The following SEPHS1 variants were observed in gnomAD, a reference collection of about 807,000 sequenced individuals.
SEPHS1 encodes the protein selenophosphate synthetase 1.
A neutral mutation model predicts 39.2 loss-of-function variants in SEPHS1; 7 were observed. The ratio of observed to expected loss-of-function variants is 0.18; its 90% CI spans 0.10 to 0.34. The LOEUF is 0.34. SEPHS1 is among the 10% of genes least tolerant of loss of function. The pLI, the probability that SEPHS1 is intolerant of heterozygous loss-of-function variation, is 1.00. For synonymous variants in SEPHS1, 190 were observed against 195.5 expected (o/e 0.97, Z 0.23); for missense variants, 253 against 514.5 (o/e 0.49, Z 4.92).
chr10:13,325,915 AAAAAAAAAAAAAAAAAAAGAGAC>A (rs1298994266), intron 7 of SEPHS1, among the ~76,000 whole-genome samples: 2,141 of 77,418 alleles, frequency 0.028, 179 homozygotes, highest in African/African-American at 0.15. Flanking sequence ...AAAAAAAAAA[AAAAAAAAAAAAAAAAAAAGAGAC>A]TCAGTCTCAA....
At chr10:13,337,831 G>C (rs555122179) in intron 3 of SEPHS1, among the ~76,000 whole-genome samples, 1 of 152,142 alleles carries the variant, frequency 6.6e-6, no homozygotes, top group African/African-American at 2.4e-5. Flanking sequence ...ACAGATGTGC[G>C]GAAGAAATAT....
intron 2 of SEPHS1, among the ~76,000 whole-genome samples, chr10:13,342,021 T>C (rs1205866268): frequency 1.1e-4 from 17 of 149,754 alleles, no homozygotes; most frequent in Admixed American, 2.0e-4. Flanking sequence ...GTCTCACGCC[T>C]GTAATCCCAG....
At chr10:13,328,642 G>A (rs1226051361) in intron 6 of SEPHS1, among the ~76,000 whole-genome samples, 192 bp from the exon 7 acceptor site, 2 of 152,182 alleles carry the variant, frequency 1.3e-5, no homozygotes, top group Non-Finnish European at 2.9e-5. Context: ...TCAGCATGGC[G>A]TCTTTTCTGT....
intron 4 of SEPHS1, 25 bp from the exon 5 acceptor site, chr10:13,333,996 A>G (rs1833548741): frequency 1.3e-6 from 2 of 1,587,382 alleles, no homozygotes; most frequent in Non-Finnish European, 1.7e-6. Flanking sequence ...GGTACAAATA[A>G]AAAGTCAAAG....
intron 1 of SEPHS1, chr10:13,345,428 C>T (rs1833893508): frequency 2.0e-5 from 3 of 153,522 alleles, no homozygotes; most frequent in Admixed American, 1.3e-4. Flanking sequence ...GTGACTTTTC[C>T]GCAAAATCTT....
chr10:13,346,281 T>C (rs755301507), intron 1 of SEPHS1, among the ~76,000 whole-genome samples: 4 of 152,200 alleles, frequency 2.6e-5, no homozygotes, highest in Non-Finnish European at 4.4e-5. Context: ...ACTGATACTT[T>C]ATTGGGACTA....
rs1268776282 is a variant in SEPHS1 at position 13,348,159 on chromosome 10, G to A, written c.-238C>T. ...GGGCCCGGGCCCGCGCCTGGGCGCC[G>A]CGGGGGCTCGCCTGCCTCGGCGCGG... On this transcript the variant is annotated 5_prime_UTR_variant, in exon 1 of 9. Coordinates refer to ENST00000327347, the MANE Select transcript of SEPHS1 (RefSeq NM_012247.5). 2.8e-5 allele frequency: 4 copies of A among 144,030 alleles called. No individual in the cohort carries two copies. Among genetic ancestry groups the A allele is most frequent in the Admixed American group, 6.8e-5 (1 of 14,628 alleles). The allele number at this position is 144,030 out of a possible 1,614,324, so 8.9% of individuals were successfully genotyped here.
intron 2 of SEPHS1, chr10:13,340,894 T>C (rs1459260393): frequency 6.6e-6 from 1 of 152,180 alleles, no homozygotes; most frequent in Non-Finnish European, 1.5e-5. Flanking sequence ...TGGCTGCGCA[T>C]CTGACAAACA....
rs1214975818 is a variant in SEPHS1 at position 13,348,152 on chromosome 10, GGGCGCCGCGGGGGCTCGCCTGCCTC to G, written c.-256_-232del. On this transcript the variant is annotated 5_prime_UTR_variant, in exon 1 of 9. Transcript: ENST00000327347. ...GCGGCGGGGGCCCGGGCCCGCGCCTGGGCGCCGCGGGGGCTCGCCTGCCTCGGCGCGGCCCTGCGGGAGCCGGGCC... is the reference window on the plus strand; with the variant it reads ...GCGGCGGGGGCCCGGGCCCGCGCCTGGGCGCGGCCCTGCGGGAGCCGGGCC... The G allele has an allele frequency of 6.9e-6, 1 of 144,418 alleles. No individual in the cohort carries two copies. Among genetic ancestry groups the G allele is most frequent in the African/African-American group, 2.5e-5 (1 of 40,286 alleles). 8.9% of individuals were successfully genotyped at this position (144,418 alleles called of 1,614,324 possible).
rs1266329760 is a variant in SEPHS1 at position 13,335,980 on chromosome 10, CA to C, written c.405+262del. Reference sequence around the variant, plus strand: ...GGGCGACAGAGTGAGACTCCTGTCTCAAAAAAAAAAAAAAAAAAAGTCTTGG... The same window carrying C: ...GGGCGACAGAGTGAGACTCCTGTCTCAAAAAAAAAAAAAAAAAAGTCTTGG... On this transcript the variant is annotated intron_variant, in intron 4 of 8. Transcript: ENST00000327347. 7.3e-3 allele frequency among the ~76,000 whole-genome samples: 685 copies of C among 93,418 alleles called. 5 individuals are homozygous for C. The highest frequency in any genetic ancestry group is 0.014 in the African/African-American group (312 of 21,616). The allele number at this position is 93,418 out of a possible 152,430, so 61.3% of individuals were successfully genotyped here.
rs973458627 is a variant in SEPHS1 at position 13,318,307 on chromosome 10, A to G, written c.*835T>C. On this transcript the variant is annotated 3_prime_UTR_variant, in exon 9 of 9. Coordinates refer to ENST00000327347, the MANE Select transcript of SEPHS1 (RefSeq NM_012247.5). ...TATTAAACACTACCATCCACAGAAC[A>G]GTCTTTACTATTGATTATATTTAAA... 1.3e-5 allele frequency: 2 copies of G among 152,640 alleles called. No individual in the cohort carries two copies. Among genetic ancestry groups the G allele is most frequent in the Non-Finnish European group, 2.9e-5 (2 of 68,040 alleles). 9.5% of individuals were successfully genotyped at this position (152,640 alleles called of 1,614,324 possible).
chr10:13,329,165 G>A (rs772212601), intron 6 of SEPHS1, among the ~76,000 whole-genome samples: 1 of 152,098 alleles, frequency 6.6e-6, no homozygotes, highest in Non-Finnish European at 1.5e-5. Context: ...ATAGCTCACT[G>A]GAAAAATGAC....
chr10:13,320,724 G>C (rs1299913506), intron 8 of SEPHS1, among the ~76,000 whole-genome samples: 3 of 151,856 alleles, frequency 2.0e-5, no homozygotes, highest in East Asian at 2.0e-4. Flanking sequence ...CCAGCTACTC[G>C]GGCTGAGGCA....
At chr10:13,340,398 A>G (rs891487665) in intron 2 of SEPHS1, among the ~76,000 whole-genome samples, 5 of 152,186 alleles carry the variant, frequency 3.3e-5, no homozygotes, top group African/African-American at 1.2e-4. Context: ...AACGTGTGAG[A>G]TAATTCACGT....
At chr10:13,334,347 C>A (rs983639357) in intron 4 of SEPHS1, among the ~76,000 whole-genome samples, 2 of 152,038 alleles carry the variant, frequency 1.3e-5, no homozygotes, top group Non-Finnish European at 1.5e-5. Flanking sequence ...TTGAGACCAG[C>A]CTGGCCAACA....
intron 8 of SEPHS1, 131 bp from the exon 9 acceptor site, chr10:13,319,487 C>T: frequency 1.1e-6 from 1 of 907,438 alleles, no homozygotes; most frequent in Non-Finnish European, 1.7e-6. Context: ...TCTTCCCATT[C>T]AACTAAGCAG....
At chr10:13,322,615 G>A (rs189730867) in intron 8 of SEPHS1, among the ~76,000 whole-genome samples, 1 of 152,274 alleles carries the variant, frequency 6.6e-6, no homozygotes, top group East Asian at 1.9e-4. Context: ...ATCAAAAAGA[G>A]CACAGGCCAC....
intron 2 of SEPHS1, among the ~76,000 whole-genome samples, chr10:13,342,055 G>A (rs7903477): frequency 0.19 from 28,446 of 150,836 alleles, 3,084 homozygotes; most frequent in Middle Eastern, 0.34. Flanking sequence ...CGAGGCAGGC[G>A]GATCACGAGG....
intron 2 of SEPHS1, chr10:13,340,797 A>G (rs1833760459): frequency 6.6e-6 from 1 of 151,774 alleles, no homozygotes; most frequent in African/African-American, 2.4e-5. Context: ...TCCGTTATCC[A>G]CGGTTTCTCT....
Sources: gnomAD v4.1 joint callset for allele counts (sites outside exome capture counted in the v4.1 genomes callset) on GRCh38, gnomAD v4.1.1 for gene constraint, MANE v1.5 for transcripts, NCBI Gene and HGNC (gene_info 2026-07-23, HGNC 2026-07-21) for gene names.